Variants in TENM3 observed in about 807,000 individuals in gnomAD.
The protein encoded by TENM3 is teneurin transmembrane protein 3.
TENM3 carries 63 observed loss-of-function variants against 255.1 expected under a neutral mutation model. The ratio of observed to expected loss-of-function variants is 0.25; its 90% confidence interval spans 0.20 to 0.30. The LOEUF (loss-of-function observed/expected upper bound fraction) is 0.30. Ranked by LOEUF, TENM3 falls within the 10% of genes least tolerant of loss-of-function variation. The pLI, the probability that TENM3 is intolerant of heterozygous loss-of-function variation, is 1.00. For synonymous variants in TENM3, 1,306 were observed against 1,322.3 expected (o/e 0.99, Z 0.27); for missense variants, 2,929 against 3,461.1 (o/e 0.85, Z 3.86).
chr4:182,352,209 T>A (rs1204137695), intron 3 of TENM3, among the ~76,000 whole-genome samples: 1 of 152,044 alleles, frequency 6.6e-6, no homozygotes, highest in Non-Finnish European at 1.5e-5. Flanking sequence ...GCTGATCATT[T>A]GTGCAGTCTG....
intron 24 of TENM3, among the ~76,000 whole-genome samples, chr4:182,777,511 ATGTGTGTG>A (rs150202066): frequency 1.0e-4 from 10 of 99,852 alleles, no homozygotes; most frequent in East Asian, 9.7e-4. Context: ...TAATGTGTTT[ATGTGTGTG>A]TGTGTGTGTG....
the TENM3 span, among the ~76,000 whole-genome samples, chr4:181,956,543 G>A: frequency 6.6e-6 from 1 of 152,178 alleles, no homozygotes; most frequent in Non-Finnish European, 1.5e-5. Context: ...CAGCAAATGT[G>A]AGATGAATGA....
At chr4:182,321,724 T>C (rs1295354396) in intron 1 of TENM3, among the ~76,000 whole-genome samples, 1 of 151,924 alleles carries the variant, frequency 6.6e-6, no homozygotes. Flanking sequence ...AGTGGGCGGA[T>C]CACGAGGTCA....
chr4:181,697,997 G>A, the TENM3 span, among the ~76,000 whole-genome samples: 3 of 151,876 alleles, frequency 2.0e-5, no homozygotes, highest in Non-Finnish European at 4.4e-5. Context: ...GGCGGATCAT[G>A]AGGTCAGGAG....
chr4:182,045,339 AC>A, the TENM3 span, among the ~76,000 whole-genome samples: 1 of 151,664 alleles, frequency 6.6e-6, no homozygotes, highest in African/African-American at 2.4e-5. Context: ...TTTGGATCTG[AC>A]TTAGTAGAAG....
intron 4 of TENM3, among the ~76,000 whole-genome samples, chr4:182,625,942 G>T (rs1750779322): frequency 6.6e-6 from 1 of 152,144 alleles, no homozygotes; most frequent in Non-Finnish European, 1.5e-5. Context: ...TTTTGGTACT[G>T]CTTGTGAGCA....
chr4:182,681,181 G>A (rs546381410), intron 10 of TENM3, among the ~76,000 whole-genome samples: 5 of 152,156 alleles, frequency 3.3e-5, no homozygotes, highest in African/African-American at 1.2e-4. Context: ...GATGAGAGTC[G>A]AGATACCATA....
chr4:181,645,446 A>G, the TENM3 span, among the ~76,000 whole-genome samples: 1 of 152,200 alleles, frequency 6.6e-6, no homozygotes, highest in Non-Finnish European at 1.5e-5. Context: ...CCACTGTCAC[A>G]GGCATTTGCC....
chr4:181,669,608 C>T, the TENM3 span, among the ~76,000 whole-genome samples: 1 of 152,118 alleles, frequency 6.6e-6, no homozygotes. Context: ...CCCATTCTGA[C>T]TTGAGAATCA....
upstream of TENM3, chr4:182,143,380 CTG>C (rs1381199342): frequency 6.0e-6 from 1 of 166,970 alleles, no homozygotes; most frequent in African/African-American, 2.4e-5. The surrounding 1 kb of genome is among the most constrained non-coding windows in gnomAD (Gnocchi z 4.3). Flanking sequence ...CGAAAGAACA[CTG>C]TGGAAAGGAA....
chr4:182,307,422 G>A (rs1007336884), intron 1 of TENM3, among the ~76,000 whole-genome samples: 5 of 152,162 alleles, frequency 3.3e-5, no homozygotes, highest in Non-Finnish European at 7.3e-5. Flanking sequence ...CAGAAGGGTT[G>A]CCTCTGGACT....
intron 1 of TENM3, among the ~76,000 whole-genome samples, chr4:182,179,288 C>T (rs1038445409): frequency 1.3e-5 from 2 of 152,278 alleles, no homozygotes; most frequent in Middle Eastern, 3.4e-3. Flanking sequence ...TTCAGCAGTG[C>T]CCATTTACAT....
intron 1 of TENM3, among the ~76,000 whole-genome samples, chr4:182,285,004 T>A (rs1378330581): frequency 6.6e-6 from 1 of 152,106 alleles, no homozygotes; most frequent in Non-Finnish European, 1.5e-5. Flanking sequence ...AGCATATATA[T>A]ATATTTGGAA....
At chr4:181,641,552 G>GTATATATACA in the TENM3 span, among the ~76,000 whole-genome samples, 1 of 21,694 alleles carries the variant, frequency 4.6e-5, no homozygotes, top group African/African-American at 1.6e-4. Flanking sequence ...CATGGTGTGT[G>GTATATATACA]TGTATATATA....
At chr4:182,485,387 A>G (rs1734598245) in intron 3 of TENM3, among the ~76,000 whole-genome samples, 1 of 152,162 alleles carries the variant, frequency 6.6e-6, no homozygotes, top group African/African-American at 2.4e-5. Context: ...CAGACTCCAA[A>G]ACAAAGGATA....
chr4:181,770,029 TG>T, the TENM3 span, among the ~76,000 whole-genome samples: 1 of 152,194 alleles, frequency 6.6e-6, no homozygotes, highest in South Asian at 2.1e-4. Flanking sequence ...GAACCCTTTG[TG>T]GCTGCGCCCA....
Position 182,611,659 on chromosome 4 carries a change from A to G in TENM3, c.749+10498A>G, listed in dbSNP as rs2152432440. On this transcript the variant is annotated intron_variant, in intron 4 of 27. Transcript: ENST00000511685. ...AAATTGCTATAGATGACATACATTT[A>G]TTTTGCAGCAAAGTCATATATTGAT... Among the ~76,000 whole-genome samples, 3 of 152,298 alleles carry G rather than the reference A, an allele frequency of 2.0e-5. No homozygotes were observed. The East Asian group carries it at 5.8e-4, about 29-fold the overall frequency.
At chr4:182,656,510 A>G (rs1254075308) in intron 6 of TENM3, among the ~76,000 whole-genome samples, 3 of 152,106 alleles carry the variant, frequency 2.0e-5, no homozygotes, top group Non-Finnish European at 2.9e-5. Flanking sequence ...GGCTTTCGTG[A>G]TGAACCTCAG....
chr4:181,997,186 T>C, the TENM3 span, among the ~76,000 whole-genome samples: 2 of 152,218 alleles, frequency 1.3e-5, no homozygotes, highest in Non-Finnish European at 2.9e-5. Context: ...ATGGACTTTC[T>C]AACATCTCTA....
Sources: gnomAD v4.1 joint callset for allele counts (sites outside exome capture counted in the v4.1 genomes callset) on GRCh38, gnomAD v4.1.1 for gene constraint, Gnocchi (gnomAD v3.1) non-coding constraint, MANE v1.5 for transcripts, NCBI Gene and HGNC (gene_info 2026-07-23, HGNC 2026-07-21) for gene names.